The following RAD51B variants were observed in gnomAD, a reference collection of about 807,000 sequenced individuals.
RAD51B encodes the protein RAD51 paralog B, also known as DNA repair protein RAD51 homolog 2.
A neutral mutation model predicts 42.2 loss-of-function variants in RAD51B; 38 were observed. That is an observed-to-expected ratio of 0.90 (90% CI 0.70 to 1.18). The LOEUF (loss-of-function observed/expected upper bound fraction) is 1.18, where lower values mean the gene tolerates loss of function less well. Among genes scored for constraint, RAD51B ranks in the 50% most tolerant of loss-of-function variants. The probability of loss-of-function intolerance (pLI) is 0.00; values close to 1 mark genes in which losing one functional copy is unlikely to be tolerated. For synonymous variants in RAD51B, 154 were observed against 145.2 expected, an observed-to-expected ratio of 1.06 and a Z score of -0.43; for missense variants, 373 against 400.7, an observed-to-expected ratio of 0.93 and a Z score of 0.59.
At chr14:67,977,931 C>T (rs1246999567) in intron 7 of RAD51B, among the ~76,000 whole-genome samples, 1 of 152,138 alleles carries the variant, frequency 6.6e-6, no homozygotes, top group Non-Finnish European at 1.5e-5. Context: ...TAGTTTCTAC[C>T]AGCATTCCCT....
chr14:68,456,215 G>A (rs1217897382), intron 9 of RAD51B, among the ~76,000 whole-genome samples: 2 of 152,124 alleles, frequency 1.3e-5, no homozygotes, highest in Non-Finnish European at 2.9e-5. Context: ...CAAAATGGCA[G>A]GCATATATCC....
At chr14:67,973,330 A>G (rs1340088862) in intron 7 of RAD51B, among the ~76,000 whole-genome samples, 3 of 152,160 alleles carry the variant, frequency 2.0e-5, no homozygotes, top group Admixed American at 6.6e-5. Flanking sequence ...TAAAATGAGA[A>G]ATTGGCAGCA....
chr14:68,072,079 A>ATATATATAAATATATATATT (rs1566622978), intron 7 of RAD51B, among the ~76,000 whole-genome samples: 8 of 107,910 alleles, frequency 7.4e-5, no homozygotes, highest in South Asian at 2.8e-4. Flanking sequence ...AAATATATAA[A>ATATATATAAATATATATATT]TATATATAAA....
intron 10 of RAD51B, among the ~76,000 whole-genome samples, chr14:68,583,646 G>A (rs1890314363): frequency 6.6e-6 from 1 of 152,166 alleles, no homozygotes; most frequent in Admixed American, 6.5e-5. Flanking sequence ...ACTAGGAAGG[G>A]CCTTGAGCAC....
chr14:67,860,498 C>CTT (rs1439753717), intron 4 of RAD51B, among the ~76,000 whole-genome samples: 2 of 151,898 alleles, frequency 1.3e-5, no homozygotes, highest in African/African-American at 2.4e-5. Context: ...AAATGGTAGA[C>CTT]TTATAATTTG....
At chr14:68,071,269 C>A (rs2076736015) in intron 7 of RAD51B, among the ~76,000 whole-genome samples, 1 of 152,038 alleles carries the variant, frequency 6.6e-6, no homozygotes, top group Non-Finnish European at 1.5e-5. Flanking sequence ...CTGTATCTTG[C>A]CTAATTGCTT....
chr14:67,956,030 A>C (rs2074539883), intron 7 of RAD51B, among the ~76,000 whole-genome samples: 1 of 152,146 alleles, frequency 6.6e-6, no homozygotes. Context: ...TGTGGTGGAT[A>C]CTCAGTTCAG....
chr14:68,392,553 C>T (rs1270643807), intron 8 of RAD51B, among the ~76,000 whole-genome samples: 1 of 152,166 alleles, frequency 6.6e-6, no homozygotes, highest in African/African-American at 2.4e-5. Context: ...CAGTGGATGA[C>T]ATAGGGCACT....
At chr14:68,531,742 TA>T (rs1887322661) in intron 10 of RAD51B, among the ~76,000 whole-genome samples, 1 of 152,178 alleles carries the variant, frequency 6.6e-6, no homozygotes, top group Admixed American at 6.5e-5. Flanking sequence ...CTCACACTTA[TA>T]ATCCTAGCAC....
At chr14:68,403,702 A>C (rs1318412164) in intron 8 of RAD51B, among the ~76,000 whole-genome samples, 2 of 152,246 alleles carry the variant, frequency 1.3e-5, no homozygotes, top group African/African-American at 4.8e-5. Context: ...ATTGGATCCA[A>C]AAGATAGTCA....
intron 4 of RAD51B, among the ~76,000 whole-genome samples, chr14:67,849,643 A>AT (rs2041738230): frequency 6.6e-6 from 1 of 151,958 alleles, no homozygotes; most frequent in Non-Finnish European, 1.5e-5. Flanking sequence ...AGTTGTAATT[A>AT]TTTTTTTCTG....
intron 9 of RAD51B, among the ~76,000 whole-genome samples, chr14:68,429,618 G>T (rs1248751443): frequency 3.3e-5 from 5 of 152,210 alleles, no homozygotes; most frequent in Non-Finnish European, 5.9e-5. Flanking sequence ...CTGTAAATTT[G>T]TTTGAGTTCT....
intron 7 of RAD51B, among the ~76,000 whole-genome samples, chr14:67,979,263 T>G (rs1474143371): frequency 1.3e-5 from 2 of 152,244 alleles, no homozygotes; most frequent in Non-Finnish European, 2.9e-5. Context: ...TTAAAATATC[T>G]AAATGCAGTT....
intron 8 of RAD51B, among the ~76,000 whole-genome samples, chr14:68,369,257 T>C (rs1236613318): frequency 6.6e-6 from 1 of 152,258 alleles, no homozygotes; most frequent in Non-Finnish European, 1.5e-5. Context: ...GCCAGTGGGT[T>C]TGGCTATTGT....
intron 8 of RAD51B, among the ~76,000 whole-genome samples, chr14:68,337,163 C>A (rs1422153147): frequency 3.3e-5 from 5 of 152,060 alleles, no homozygotes; most frequent in Admixed American, 3.3e-4. Context: ...TTCTGTGTAC[C>A]AAATTCCCAC....
At chr14:68,469,089 G>A (rs756262458) in intron 10 of RAD51B, 4 of 513,730 alleles carry the variant, frequency 7.8e-6, no homozygotes, top group Non-Finnish European at 1.2e-5. Flanking sequence ...GTCCTCTGCT[G>A]TGGGGCAGGA....
intron 7 of RAD51B, among the ~76,000 whole-genome samples, chr14:68,003,301 T>G (rs1394052189): frequency 6.6e-6 from 1 of 152,204 alleles, no homozygotes; most frequent in African/African-American, 2.4e-5. Flanking sequence ...TGGGAGTTCA[T>G]TCATGATTTG....
At chr14:68,542,313 G>A (rs958752234) in intron 10 of RAD51B, among the ~76,000 whole-genome samples, 8 of 152,116 alleles carry the variant, frequency 5.3e-5, no homozygotes, top group East Asian at 3.9e-4. Flanking sequence ...TAATATGGCC[G>A]AAGAAAACTT....
intron 9 of RAD51B, among the ~76,000 whole-genome samples, chr14:68,432,116 C>CA (rs1363776557): frequency 6.6e-6 from 1 of 152,132 alleles, no homozygotes; most frequent in Non-Finnish European, 1.5e-5. Flanking sequence ...GTCTGAGAGA[C>CA]AGTTTGTTAT....
Sources: allele counts gnomAD v4.1 joint callset (sites outside exome capture counted in the v4.1 genomes callset), GRCh38; gene constraint gnomAD v4.1.1; transcripts MANE v1.5; gene names NCBI Gene and HGNC (gene_info 2026-07-23, HGNC 2026-07-21).